SPRED2: variants seen among roughly 807,000 people sequenced by gnomAD.
The protein encoded by SPRED2 is sprouty related EVH1 domain containing 2.
In SPRED2, 47 loss-of-function variants were observed where a neutral mutation model predicts 43.0. The observed-to-expected ratio is 1.09, with a 90% CI of 0.87 to 1.40. SPRED2 has a LOEUF of 1.40. SPRED2 is among the 40% of genes most tolerant of loss of function. SPRED2 has a pLI of 0.00. For synonymous variants in SPRED2, 225 were observed against 225.7 expected (o/e 1.00, Z 0.03); for missense variants, 561 against 586.4 (o/e 0.96, Z 0.45).
intron 4 of SPRED2, among the ~76,000 whole-genome samples, chr2:65,323,822 G>C (rs1260925506): frequency 6.6e-6 from 1 of 152,040 alleles, no homozygotes; most frequent in Non-Finnish European, 1.5e-5. Context: ...GTTGCAGTGA[G>C]CCGAGATCGC....
chr2:65,426,570 A>T (rs1271267764), intron 1 of SPRED2, among the ~76,000 whole-genome samples: 1 of 152,180 alleles, frequency 6.6e-6, no homozygotes, highest in Non-Finnish European at 1.5e-5. Context: ...AGGGAAAAAA[A>T]TAATACACAC....
intron 1 of SPRED2, among the ~76,000 whole-genome samples, chr2:65,365,063 T>TA (rs1274950707): frequency 6.6e-6 from 1 of 152,232 alleles, no homozygotes; most frequent in East Asian, 1.9e-4. Flanking sequence ...AAGTATTTTT[T>TA]AATGTCACCA....
At chr2:65,322,311 T>TTTTTA (rs1673456169) in intron 4 of SPRED2, among the ~76,000 whole-genome samples, 1 of 136,768 alleles carries the variant, frequency 7.3e-6, no homozygotes, top group Non-Finnish European at 1.6e-5. Flanking sequence ...TTTTTTTTTT[T>TTTTTA]GAGACGGAGT....
chr2:65,397,768 C>T (rs968273686), intron 1 of SPRED2, among the ~76,000 whole-genome samples: 1 of 152,100 alleles, frequency 6.6e-6, no homozygotes, highest in African/African-American at 2.4e-5. Flanking sequence ...AGTACCTGAG[C>T]TACATGGATG....
In SPRED2 at chr2:65,313,426, G is replaced by A; in HGVS notation, c.*75C>T. 1 of 1,527,032 alleles carries A rather than the reference G, an allele frequency of 6.5e-7. No homozygotes were observed. The highest frequency in any genetic ancestry group is 1.3e-5 in the South Asian group (1 of 76,792). The allele number at this position is 1,527,032 out of a possible 1,614,324, so 94.6% of individuals were successfully genotyped here. On this transcript the variant is annotated 3_prime_UTR_variant, in exon 6 of 6. Coordinates refer to ENST00000356388, the MANE Select transcript of SPRED2 (RefSeq NM_181784.3). ...TCGCTCCTTGGAGTGGAAGGGAGCG[G>A]GGGAGAAGATGAGAGTATGTAAGAG...
downstream of SPRED2, among the ~76,000 whole-genome samples, chr2:65,307,841 G>T (rs559710275): frequency 1.1e-3 from 170 of 152,322 alleles, no homozygotes; most frequent in African/African-American, 4.0e-3. Flanking sequence ...AACAAAGGAA[G>T]AGCGGTTTTT....
At position 65,344,736 on chromosome 2, in the gene SPRED2, G is replaced by A. The variant is rs780902942; in HGVS notation, c.187C>T (p.Arg63Ter). 4.3e-6 allele frequency: 7 copies of A among 1,613,940 alleles called. No homozygotes were observed. Among genetic ancestry groups the A allele is most frequent in the Admixed American group, 1.7e-5 (1 of 59,986 alleles). The change falls in exon 2 of 6, where the codon CGA (arginine) becomes TGA (stop). Residue 63 changes from arginine (R) to a stop codon, truncating the protein, a stop_gained. Coordinates refer to ENST00000356388, the MANE Select transcript of SPRED2 (RefSeq NM_181784.3). LOFTEE classifies it high-confidence loss of function. Reference sequence around the variant, plus strand: ...GCCATTACCAGTTTGTCTTTCTGTCGTTCACCATGGATGAGAAAGCCGCTT... The same window carrying A: ...GCCATTACCAGTTTGTCTTTCTGTCATTCACCATGGATGAGAAAGCCGCTT... ...GRSGFLIHGE[R>*]QKDKLVVLEC...
At chr2:65,428,752 C>T (rs1471303653) in intron 1 of SPRED2, among the ~76,000 whole-genome samples, 1 of 152,194 alleles carries the variant, frequency 6.6e-6, no homozygotes, top group African/African-American at 2.4e-5. Flanking sequence ...AGCTGAATGG[C>T]AGCTCGATGT....
chr2:65,308,433 C>G (rs935905804), downstream of SPRED2: 19 of 985,448 alleles, frequency 1.9e-5, no homozygotes, highest in Non-Finnish European at 2.3e-5. Context: ...AAATCAAATT[C>G]AGATCAAATA....
chr2:65,307,951 C>T (rs3935157), downstream of SPRED2, among the ~76,000 whole-genome samples: 1 of 151,384 alleles, frequency 6.6e-6, no homozygotes, highest in Non-Finnish European at 1.5e-5. Context: ...ACACCCCCCG[C>T]CCCCCCCATT....
At chr2:65,316,976 A>G in intron 4 of SPRED2, 93 bp from the exon 5 acceptor site, 3 of 1,351,836 alleles carry the variant, frequency 2.2e-6, no homozygotes, top group East Asian at 2.4e-5. Flanking sequence ...AATACTAGCT[A>G]TTCCCTGGTT....
In SPRED2 at chr2:65,311,477, C is replaced by A; in HGVS notation, c.*2024G>T. 1.0e-6 allele frequency: 1 copy of A among 985,794 alleles called. No homozygotes were observed. Among genetic ancestry groups the A allele is most frequent in the Non-Finnish European group, 1.2e-6 (1 of 829,930 alleles). 61.1% of individuals were successfully genotyped at this position (985,794 alleles called of 1,614,324 possible). ...GCGTTCTTATTGAAATAAATAGGGG[C>A]ACTTGAACTGAGGTCTAAGGAAACG... On this transcript the variant is annotated 3_prime_UTR_variant, in exon 6 of 6. Transcript: ENST00000356388.
chr2:65,359,396 T>G (rs777225093), intron 1 of SPRED2, among the ~76,000 whole-genome samples: 1 of 151,316 alleles, frequency 6.6e-6, no homozygotes, highest in Non-Finnish European at 1.5e-5. Context: ...AAGGGAGTAG[T>G]GTAGTTTGAA....
At chr2:65,308,217 G>A (rs1013440065), downstream of SPRED2, 3 of 819,204 alleles carry the variant, frequency 3.7e-6, no homozygotes, top group South Asian at 1.1e-4. Flanking sequence ...GGGAGGTTCA[G>A]GCAGGCAGTA....
In SPRED2 at chr2:65,376,765, A is replaced by C. The variant is rs183312288; in HGVS notation, c.27-31869T>G. Among the ~76,000 whole-genome samples the C allele has an allele frequency of 3.2e-3, 492 of 152,150 alleles. 2 individuals carry two copies. Among genetic ancestry groups the C allele is most frequent in the Middle Eastern group, 6.8e-3 (2 of 294 alleles). ...AGTCTCACTCTGTTGCCCAGTCTGGAGTGCAGTGGCGCAATCTCGGCTCAC... is the reference window on the plus strand; with the variant it reads ...AGTCTCACTCTGTTGCCCAGTCTGGCGTGCAGTGGCGCAATCTCGGCTCAC... On this transcript the variant is annotated intron_variant, in intron 1 of 5. Transcript: ENST00000356388.
intron 1 of SPRED2, among the ~76,000 whole-genome samples, chr2:65,429,911 G>A (rs1464173798): frequency 6.6e-6 from 1 of 152,168 alleles, no homozygotes; most frequent in African/African-American, 2.4e-5. Flanking sequence ...TTTCCTCGCT[G>A]GTGATCCCAC....
downstream of SPRED2, among the ~76,000 whole-genome samples, chr2:65,309,616 G>T (rs530514745): frequency 4.1e-4 from 63 of 152,066 alleles, no homozygotes; most frequent in African/African-American, 1.4e-3. Context: ...ATCTGCAGGG[G>T]GTCCTGGAAC....
At chr2:65,355,131 A>G (rs2104297400) in intron 1 of SPRED2, among the ~76,000 whole-genome samples, 1 of 152,314 alleles carries the variant, frequency 6.6e-6, no homozygotes, top group South Asian at 2.1e-4. Flanking sequence ...AATAGCAGAA[A>G]TCCTAATTTT....
intron 1 of SPRED2, 136 bp from the exon 2 acceptor site, chr2:65,345,032 T>G (rs1258513279): frequency 1.3e-6 from 1 of 753,284 alleles, no homozygotes; most frequent in East Asian, 2.7e-5. Context: ...GCGGCAACCT[T>G]AAAAAGTGGT....
Sources: allele counts gnomAD v4.1 joint callset (sites outside exome capture counted in the v4.1 genomes callset), GRCh38; gene constraint gnomAD v4.1.1; transcripts MANE v1.5; gene names NCBI Gene and HGNC (gene_info 2026-07-23, HGNC 2026-07-21).